Variants in SLC25A23 observed in about 807,000 individuals in gnomAD.
SLC25A23 encodes solute carrier family 25 member 23.
SLC25A23 carries 32 observed loss-of-function variants against 53.9 expected under a neutral mutation model. The observed-to-expected ratio is 0.59, with a 90% CI of 0.45 to 0.80. The LOEUF (loss-of-function observed/expected upper bound fraction) is 0.80, where lower values mean the gene tolerates loss of function less well. SLC25A23 is among the 30% of genes least tolerant of loss of function. The pLI, the probability that SLC25A23 is intolerant of heterozygous loss-of-function variation, is 0.00. For missense variants in SLC25A23, 575 were observed against 651.4 expected, an observed-to-expected ratio of 0.88 and a Z score of 1.28; for synonymous variants, 275 against 264.5, an observed-to-expected ratio of 1.04 and a Z score of -0.38.
At chr19:6,458,410 C>A (rs1333905303) in intron 1 of SLC25A23, 86 bp from the exon 2 acceptor site, 1 of 1,442,368 alleles carries the variant, frequency 6.9e-7, no homozygotes, top group African/African-American at 1.4e-5. Context: ...CCTTAGGAAC[C>A]CAGAGCCCCC....
At chr19:6,436,492 AG>A, downstream of SLC25A23, 5 of 454,272 alleles carry the variant, frequency 1.1e-5, no homozygotes, top group Middle Eastern at 3.3e-4. Context: ...GTTATGAGAA[AG>A]GGGGAGAGAG....
chr19:6,459,253 G>A lies in SLC25A23; in HGVS notation c.156+220C>T, dbSNP rs1179573322. On this transcript the variant is annotated intron_variant, in intron 1 of 9. Coordinates refer to ENST00000301454, the MANE Select transcript of SLC25A23 (RefSeq NM_024103.3). The surrounding 1 kb of genome is among the most constrained non-coding windows in gnomAD (Gnocchi z 4.6). The stretch of plus-strand genomic sequence containing the variant: ...CCCCTGCCCCGCAGCAGGGGGATCG[G>A]GTGTTGGCCGCGGAACTGCAGGCTT... 6.6e-6 allele frequency among the ~76,000 whole-genome samples: 1 copy of A among 152,182 alleles called. No homozygotes were observed. Among genetic ancestry groups the A allele is most frequent in the African/African-American group, 2.4e-5 (1 of 41,448 alleles).
At chr19:6,448,557 G>C (rs550910367) in intron 8 of SLC25A23, among the ~76,000 whole-genome samples, 3 of 150,914 alleles carry the variant, frequency 2.0e-5, no homozygotes, top group African/African-American at 7.3e-5. Context: ...AGCAAACTCC[G>C]CCTCCTGGGT....
In SLC25A23 at chr19:6,443,631, C is replaced by T. The variant is rs1392648289; in HGVS notation, c.1222+520G>A. On this transcript the variant is annotated intron_variant, in intron 9 of 9. Coordinates refer to ENST00000301454, the MANE Select transcript of SLC25A23 (RefSeq NM_024103.3). ...CTGTGAGCTCTATGAGGGTGGGGAC[C>T]GTGTCCGTCTTGTACACTGACACAT... 12 of 702,428 alleles carry T rather than the reference C, an allele frequency of 1.7e-5. No homozygotes were observed. The Admixed American group carries it at 1.8e-4, about 11-fold the overall frequency. 43.5% of individuals were successfully genotyped at this position (702,428 alleles called of 1,614,324 possible).
In SLC25A23 at chr19:6,452,363, G is replaced by T; in HGVS notation, c.1020C>A (p.Pro340=). 6.2e-7 allele frequency: 1 copy of T among 1,613,748 alleles called. No individual in the cohort carries two copies. Among genetic ancestry groups the T allele is most frequent in the Middle Eastern group, 1.7e-4 (1 of 6,056 alleles). ...GPRAFYRGYL[P]NVLGIIPYAG... is the part of the protein sequence containing the mutation. ...CATAGGGGATGATGCCCAGCACGTT[G>T]GGGAGGTAGCCGCGGTAGAAGGCAC... The change falls in exon 8 of 10, where the codon CCC becomes CCA. Residue 340 remains proline, a synonymous_variant. Transcript: ENST00000301454.
At chr19:6,456,592 G>C in intron 3 of SLC25A23, 61 bp from the exon 4 acceptor site, 1 of 1,358,620 alleles carries the variant, frequency 7.4e-7, no homozygotes, top group East Asian at 2.3e-5. Context: ...GGCTAGGCTG[G>C]GGTGAAGTTC....
rs1027777028 is a variant in SLC25A23 at position 6,454,272 on chromosome 19, C to T, written c.795+51G>A. On this transcript the variant is annotated intron_variant, in intron 6 of 9. Coordinates refer to ENST00000301454, the MANE Select transcript of SLC25A23 (RefSeq NM_024103.3). The surrounding 1 kb of genome is among the most constrained non-coding windows in gnomAD (Gnocchi z 4.3). ...AGCCAATCCCGTAAATCTTTATGTA[C>T]AGCCCAGTCTTCCCTATGGCAAGCA... is the stretch of plus-strand genomic sequence containing the variant. The T allele has an allele frequency of 1.3e-6, 2 of 1,580,462 alleles. No individual in the cohort carries two copies. The highest frequency in any genetic ancestry group is 1.3e-5 in the African/African-American group (1 of 74,366).
At position 6,452,297 on chromosome 19, in the gene SLC25A23, G is replaced by C. The variant is rs753709495; in HGVS notation, c.1071+15C>G. ...CAGAGGGGAGCAGGGAAAGAGGAAC[G>C]CGCTGCCCACAGACCTCGTAGACGG... is the stretch of plus-strand genomic sequence containing the variant. On this transcript the variant is annotated intron_variant, in intron 8 of 9. Coordinates refer to ENST00000301454, the MANE Select transcript of SLC25A23 (RefSeq NM_024103.3). The C allele has an allele frequency of 6.2e-7, 1 of 1,600,434 alleles. No homozygotes were observed. The highest frequency in any genetic ancestry group is 8.5e-7 in the Non-Finnish European group (1 of 1,173,720).
At chr19:6,436,496 G>GGA (rs112207144), downstream of SLC25A23, 12,480 of 440,352 alleles carry the variant, frequency 0.028, 319 homozygotes, top group African/African-American at 0.11. Context: ...TGAGAAAGGG[G>GGA]GAGAGAGAGA....
At chr19:6,458,619 T>G (rs138970428) in intron 1 of SLC25A23, among the ~76,000 whole-genome samples, 2 of 152,342 alleles carry the variant, frequency 1.3e-5, no homozygotes, top group East Asian at 3.8e-4. Flanking sequence ...ACCTCAGTTC[T>G]CATCTGTAAA....
Position 6,444,247 on chromosome 19 carries a change from T to A in SLC25A23, c.1126A>T (p.Ile376Phe). 1 of 1,583,108 alleles carries A rather than the reference T, an allele frequency of 6.3e-7. No individual in the cohort carries two copies. The highest frequency in any genetic ancestry group is 8.6e-7 in the Non-Finnish European group (1 of 1,164,220). ...QYSHDSADPG[I>F]LVLLACGTIS... ...GTACCGCAGGCCAGGAGCACGAGGA[T>A]GCCTGGGTCTGCCGAGTCGTGGCTG... Residue 376 changes from isoleucine (I) to phenylalanine (F), a missense_variant, in exon 9 of 10, where the codon ATC becomes TTC. By Grantham distance (21) the Ile-to-Phe change is conservative. Coordinates refer to ENST00000301454, the MANE Select transcript of SLC25A23 (RefSeq NM_024103.3).
downstream of SLC25A23, among the ~76,000 whole-genome samples, chr19:6,439,312 A>G (rs542055084): frequency 9.2e-5 from 14 of 151,354 alleles, no homozygotes; most frequent in African/African-American, 3.4e-4. Flanking sequence ...TCGCTTGAGC[A>G]CAGGAATTCG....
chr19:6,445,890 AAAACAAACAAACACAC>A (rs1568365123), intron 8 of SLC25A23, among the ~76,000 whole-genome samples: 3 of 149,772 alleles, frequency 2.0e-5, no homozygotes, highest in Admixed American at 2.0e-4. Flanking sequence ...TGTCTCTACA[AAAACAAACAAACACAC>A]AAACAAACAA....
At chr19:6,442,934 C>CTTT (rs1024821991) in intron 9 of SLC25A23, among the ~76,000 whole-genome samples, 1 of 113,150 alleles carries the variant, frequency 8.8e-6, no homozygotes, top group Non-Finnish European at 1.8e-5. Flanking sequence ...ATGCCCAGCC[C>CTTT]TTTTTTTTTT....
At chr19:6,457,470 G>T in intron 3 of SLC25A23, 33 bp downstream of exon 3, 1 of 1,592,644 alleles carries the variant, frequency 6.3e-7, no homozygotes, top group Non-Finnish European at 8.6e-7. Context: ...TGTGTCCTGA[G>T]TTACTTTGGA....
At chr19:6,438,748 CTGAGGCAGGAGAATCGCT>C (rs2092368749), downstream of SLC25A23, 1 of 314,212 alleles carries the variant, frequency 3.2e-6, no homozygotes, top group Non-Finnish European at 6.9e-6. Flanking sequence ...ACTCTGGAGG[CTGAGGCAGGAGAATCGCT>C]TGAACCTGGA....
chr19:6,459,553 C>T lies in SLC25A23; in HGVS notation c.76G>A (p.Asp26Asn). The change falls in exon 1 of 10, where the codon GAT becomes AAT. Residue 26 changes from aspartate to asparagine, a missense_variant. By Grantham distance (23) the Asp-to-Asn change is conservative (BLOSUM62 1). Transcript: ENST00000301454. The surrounding 1 kb of genome is among the most constrained non-coding windows in gnomAD (Gnocchi z 4.6). ...RLFEELDSNKDGRVDVHELRQ... is the reference protein window; with the variant it reads ...RLFEELDSNKNGRVDVHELRQ... ...AACTCGTGCACGTCCACGCGGCCAT[C>T]CTTGTTACTGTCCAGCTCCTCGAAC... The T allele has an allele frequency of 3.1e-6, 5 of 1,598,884 alleles. No individual in the cohort carries two copies. The highest frequency in any genetic ancestry group is 4.2e-6 in the Non-Finnish European group (5 of 1,177,058).
rs539249615 is a variant in SLC25A23, at chr19:6,450,121, G to A, written c.1071+2191C>T. On this transcript the variant is annotated intron_variant, in intron 8 of 9. Transcript: ENST00000301454. ...GATCCACCGGCCTCGGCTTCCCAAC[G>A]TGCTGGGATTATAGGTGTGAGCCAC... Among the ~76,000 whole-genome samples the A allele has an allele frequency of 3.7e-4, 56 of 152,086 alleles. 1 individual carries two copies. The South Asian group carries it at 0.011, about 29-fold the overall frequency.
chr19:6,443,341 C>A (rs1217775270), intron 9 of SLC25A23, among the ~76,000 whole-genome samples: 1 of 152,136 alleles, frequency 6.6e-6, no homozygotes, highest in African/African-American at 2.4e-5. Context: ...CCGGCCTCAG[C>A]CTCCCAAGTA....
Sources: allele counts gnomAD v4.1 joint callset (sites outside exome capture counted in the v4.1 genomes callset), GRCh38; gene constraint gnomAD v4.1.1; non-coding constraint Gnocchi (gnomAD v3.1); transcripts MANE v1.5; gene names NCBI Gene and HGNC (gene_info 2026-07-23, HGNC 2026-07-21).